Variants in LRRTM4 observed in about 807,000 individuals in gnomAD.
LRRTM4 encodes leucine-rich repeat transmembrane neuronal protein 4.
A neutral mutation model predicts 47.6 loss-of-function variants in LRRTM4; 25 were observed. The observed-to-expected ratio is 0.53, with a 90% confidence interval of 0.38 to 0.73. The LOEUF is 0.73. Among genes scored for constraint, LRRTM4 ranks in the 30% least tolerant of loss-of-function variants. LRRTM4 has a pLI of 0.00. For missense variants in LRRTM4, 638 were observed against 713.4 expected (o/e 0.89, Z 1.20); for synonymous variants, 311 against 269.5 (o/e 1.15, Z -1.51).
intron 3 of LRRTM4, among the ~76,000 whole-genome samples, chr2:77,147,915 T>G (rs914951047): frequency 6.6e-6 from 1 of 152,174 alleles, no homozygotes; most frequent in Non-Finnish European, 1.5e-5. Context: ...CATTGAGGGT[T>G]TATGGATGTT....
intron 3 of LRRTM4, among the ~76,000 whole-genome samples, chr2:77,073,451 T>C (rs1680229192): frequency 6.6e-6 from 1 of 152,048 alleles, no homozygotes; most frequent in Non-Finnish European, 1.5e-5. Flanking sequence ...GCATTTCCAG[T>C]ACAGACATTT....
chr2:77,395,762 T>A (rs1673676610), intron 3 of LRRTM4, among the ~76,000 whole-genome samples: 2 of 151,822 alleles, frequency 1.3e-5, no homozygotes, highest in Non-Finnish European at 2.9e-5. Context: ...GAAATATCTA[T>A]GCTTTAAGTC....
intron 3 of LRRTM4, among the ~76,000 whole-genome samples, chr2:77,171,136 T>G (rs892408022): frequency 6.6e-6 from 1 of 152,042 alleles, no homozygotes; most frequent in African/African-American, 2.4e-5. Context: ...GGAAATAAGT[T>G]TGGGAGATAA....
chr2:77,457,054 AT>A (rs1676590491), intron 3 of LRRTM4, among the ~76,000 whole-genome samples: 2 of 84,700 alleles, frequency 2.4e-5, no homozygotes, highest in South Asian at 7.4e-4. Context: ...ATATATATGT[AT>A]AACCTGGAAC....
intron 3 of LRRTM4, among the ~76,000 whole-genome samples, chr2:77,273,896 C>G (rs1187043128): frequency 6.6e-6 from 1 of 152,080 alleles, no homozygotes; most frequent in African/African-American, 2.4e-5. Flanking sequence ...TTTCTTCTTA[C>G]TAGTAAATGC....
intron 3 of LRRTM4, among the ~76,000 whole-genome samples, chr2:76,969,761 T>C (rs914630355): frequency 6.6e-6 from 1 of 152,024 alleles, no homozygotes; most frequent in African/African-American, 2.4e-5. Context: ...CACGTACTAT[T>C]TGCCTCTTAT....
At chr2:77,014,523 T>TATATATATATATATA (rs1677989293) in intron 3 of LRRTM4, among the ~76,000 whole-genome samples, 11 of 149,544 alleles carry the variant, frequency 7.4e-5, no homozygotes, top group South Asian at 2.1e-4. Context: ...TATATAAAGA[T>TATATATATATATATA]TTTATAGGCC....
intron 3 of LRRTM4, among the ~76,000 whole-genome samples, chr2:76,789,570 A>G (rs1674857452): frequency 6.6e-6 from 1 of 152,170 alleles, no homozygotes; most frequent in African/African-American, 2.4e-5. Flanking sequence ...ACCTTTTTAT[A>G]ATAGGTTGTA....
chr2:76,822,045 C>G (rs149833433), intron 3 of LRRTM4, among the ~76,000 whole-genome samples: 14 of 151,178 alleles, frequency 9.3e-5, no homozygotes, highest in African/African-American at 3.4e-4. Context: ...TAAAACAAAC[C>G]AAATTGGGCC....
Position 76,802,023 on chromosome 2 carries a change from C to T in LRRTM4, c.1552-53107G>A, listed in dbSNP as rs187886906. Among the ~76,000 whole-genome samples, 313 of 152,136 alleles carry T rather than the reference C, an allele frequency of 2.1e-3. 1 individual carries two copies. Among genetic ancestry groups the T allele is most frequent in the African/African-American group, 6.5e-3 (270 of 41,504 alleles). On this transcript the variant is annotated intron_variant, in intron 3 of 3. Transcript: ENST00000409884. ...ACCCCATTGCTAACATCATATTCAA[C>T]GGTGAAAAGTGGAAAGCTTTTCCTC...
intron 3 of LRRTM4, among the ~76,000 whole-genome samples, chr2:77,439,652 A>T (rs1032046361): frequency 4.6e-5 from 7 of 152,164 alleles, no homozygotes; most frequent in Non-Finnish European, 7.3e-5. Flanking sequence ...TAAAGTCCAA[A>T]TAAGGTTATA....
At chr2:76,829,256 G>T (rs1038607790) in intron 3 of LRRTM4, among the ~76,000 whole-genome samples, 1 of 151,936 alleles carries the variant, frequency 6.6e-6, no homozygotes, top group Non-Finnish European at 1.5e-5. Context: ...TTTAATCTTA[G>T]TTGAGGGTGT....
At chr2:77,212,413 T>C (rs1342406379) in intron 3 of LRRTM4, among the ~76,000 whole-genome samples, 1 of 149,384 alleles carries the variant, frequency 6.7e-6, no homozygotes, top group Admixed American at 6.7e-5. Flanking sequence ...AGGTCACCAA[T>C]CAATCTTCTA....
intron 3 of LRRTM4, among the ~76,000 whole-genome samples, chr2:77,284,038 A>T (rs1048503729): frequency 9.2e-5 from 14 of 152,078 alleles, no homozygotes; most frequent in Admixed American, 4.6e-4. Flanking sequence ...AGAGCATCTC[A>T]TTCCTGTGTT....
intron 3 of LRRTM4, among the ~76,000 whole-genome samples, chr2:76,893,697 T>G (rs1039406538): frequency 6.6e-6 from 1 of 151,788 alleles, no homozygotes; most frequent in African/African-American, 2.4e-5. Context: ...CCTGGCAAGT[T>G]TGACCCAATA....
chr2:76,776,584 T>A (rs1297452411), intron 3 of LRRTM4, among the ~76,000 whole-genome samples: 1 of 152,054 alleles, frequency 6.6e-6, no homozygotes, highest in Non-Finnish European at 1.5e-5. Context: ...TCATGACCTT[T>A]GCCCACTTTT....
At chr2:77,502,372 G>C (rs1678601817) in intron 3 of LRRTM4, among the ~76,000 whole-genome samples, 1 of 151,084 alleles carries the variant, frequency 6.6e-6, no homozygotes, top group South Asian at 2.1e-4. Flanking sequence ...AAAAGTATGA[G>C]AGAAAAAATT....
At chr2:76,975,600 T>G (rs565259328) in intron 3 of LRRTM4, among the ~76,000 whole-genome samples, 9 of 151,650 alleles carry the variant, frequency 5.9e-5, no homozygotes, top group African/African-American at 2.2e-4. Flanking sequence ...TAAAAGAAAA[T>G]AATCATACCT....
intron 3 of LRRTM4, among the ~76,000 whole-genome samples, chr2:77,034,070 A>C (rs1310271177): frequency 6.6e-6 from 1 of 151,800 alleles, no homozygotes; most frequent in African/African-American, 2.4e-5. Context: ...CTGTTATGGC[A>C]AATAATTATA....
Sources: gnomAD v4.1 joint callset for allele counts (sites outside exome capture counted in the v4.1 genomes callset) on GRCh38, gnomAD v4.1.1 for gene constraint, MANE v1.5 for transcripts, NCBI Gene and HGNC (gene_info 2026-07-23, HGNC 2026-07-21) for gene names.